The following KIAA0825 variants were observed in gnomAD, a reference collection of about 807,000 sequenced individuals.
KIAA0825 encodes the protein KIAA0825.
KIAA0825 carries 119 observed loss-of-function variants against 147.6 expected under a neutral mutation model. The ratio of observed to expected loss-of-function variants is 0.81; its 90% CI spans 0.69 to 0.94. KIAA0825 has a LOEUF of 0.94. KIAA0825 is among the 40% of genes least tolerant of loss of function. KIAA0825 has a pLI of 0.00. For missense variants in KIAA0825, 1,381 were observed against 1,472.7 expected (o/e 0.94, Z 1.02); for synonymous variants, 470 against 518.1 (o/e 0.91, Z 1.26).
chr5:94,604,829 T>G (rs984376383), intron 1 of KIAA0825, among the ~76,000 whole-genome samples: 3 of 151,834 alleles, frequency 2.0e-5, no homozygotes, highest in African/African-American at 7.3e-5. Flanking sequence ...ACATTACAAT[T>G]AAAAGAACTA....
intron 14 of KIAA0825, among the ~76,000 whole-genome samples, chr5:94,428,957 A>G (rs867053304): frequency 2.6e-5 from 4 of 151,968 alleles, no homozygotes; most frequent in South Asian, 2.1e-4. Flanking sequence ...AAGCTTTGAG[A>G]TTTTTTTCTT....
At chr5:94,282,898 A>G (rs1349678040) in intron 20 of KIAA0825, among the ~76,000 whole-genome samples, 1 of 152,112 alleles carries the variant, frequency 6.6e-6, no homozygotes. Flanking sequence ...GTGCAAAGTA[A>G]AAAAGAGACA....
chr5:94,453,576 C>T (rs1236958680), intron 12 of KIAA0825, among the ~76,000 whole-genome samples: 1 of 151,932 alleles, frequency 6.6e-6, no homozygotes, highest in African/African-American at 2.4e-5. Context: ...ATAGGTGGCT[C>T]AGGGGCCAGG....
At chr5:94,583,104 C>T (rs1419286715) in intron 1 of KIAA0825, among the ~76,000 whole-genome samples, 3 of 152,146 alleles carry the variant, frequency 2.0e-5, no homozygotes, top group African/African-American at 7.2e-5. Flanking sequence ...CCAGCGAGAT[C>T]GACGCATAAG....
intron 20 of KIAA0825, among the ~76,000 whole-genome samples, chr5:94,213,729 C>T (rs79502716): frequency 8.5e-4 from 129 of 152,290 alleles, no homozygotes; most frequent in Non-Finnish European, 1.5e-3. Flanking sequence ...TTTCCATCTT[C>T]ACCTTCACAT....
At chr5:94,209,755 T>C (rs1772534451) in intron 20 of KIAA0825, among the ~76,000 whole-genome samples, 1 of 152,186 alleles carries the variant, frequency 6.6e-6, no homozygotes, top group Non-Finnish European at 1.5e-5. Flanking sequence ...ATCCTTTTGG[T>C]GTTTCTTAAT....
chr5:94,157,695 C>G (rs1053056718), intron 20 of KIAA0825, among the ~76,000 whole-genome samples: 2 of 151,428 alleles, frequency 1.3e-5, no homozygotes, highest in Admixed American at 1.3e-4. Flanking sequence ...TTTTTGCTCA[C>G]CGACAATGAG....
At chr5:94,467,140 G>T (rs950016103) in intron 10 of KIAA0825, among the ~76,000 whole-genome samples, 5 of 152,166 alleles carry the variant, frequency 3.3e-5, no homozygotes, top group Non-Finnish European at 7.4e-5. Flanking sequence ...CTCATTTTAA[G>T]ACTTTTTAAA....
At position 94,391,618 on chromosome 5, in the gene KIAA0825, TTA is replaced by T. The variant is rs1749907632; in HGVS notation, c.3371_3372del (p.Ile1124LysfsTer28). The T allele has an allele frequency of 6.4e-7, 1 of 1,551,534 alleles. No individual in the cohort carries two copies. The highest frequency in any genetic ancestry group is 8.7e-7 in the Non-Finnish European group (1 of 1,146,968). On this transcript the variant is annotated frameshift_variant, in exon 18 of 21. Coordinates refer to ENST00000682413, the MANE Select transcript of KIAA0825 (RefSeq NM_001145678.3). LOFTEE classifies it high-confidence loss of function. ...TGGCAGAGATCCAGGACCATCGTGT[TTA>T]TTTTCTGCTCAGTCAGTTCAAGAGC... The part of the protein sequence containing the change: ...DVALELTEQK[I>X]NTMVLDLCHK...
At chr5:94,201,350 A>G (rs1049824530) in intron 20 of KIAA0825, among the ~76,000 whole-genome samples, 1 of 152,018 alleles carries the variant, frequency 6.6e-6, no homozygotes, top group Admixed American at 6.6e-5. Context: ...GGGCCTCAGT[A>G]TCCACAGCCT....
chr5:94,402,898 G>T (rs1431462711), intron 16 of KIAA0825, among the ~76,000 whole-genome samples: 1 of 151,966 alleles, frequency 6.6e-6, no homozygotes, highest in Non-Finnish European at 1.5e-5. Context: ...TGAAATTCTG[G>T]AAAAGTGGAA....
chr5:94,369,437 G>A (rs1010695530), intron 20 of KIAA0825, among the ~76,000 whole-genome samples: 2 of 152,116 alleles, frequency 1.3e-5, no homozygotes, highest in Non-Finnish European at 2.9e-5. Flanking sequence ...CCCAGCCCCT[G>A]AAGGCATTTG....
chr5:94,222,120 C>T (rs77594433), intron 20 of KIAA0825, among the ~76,000 whole-genome samples: 10 of 152,168 alleles, frequency 6.6e-5, no homozygotes, highest in East Asian at 3.9e-4. Flanking sequence ...TAAAAATCAC[C>T]GATTATAACC....
At chr5:94,453,536 C>CATT (rs529220329) in intron 12 of KIAA0825, among the ~76,000 whole-genome samples, 3 of 151,938 alleles carry the variant, frequency 2.0e-5, no homozygotes, top group African/African-American at 7.2e-5. Context: ...TGGACAATGC[C>CATT]GCTACTTCAT....
chr5:94,308,915 C>T (rs1245960499), intron 20 of KIAA0825, among the ~76,000 whole-genome samples: 1 of 151,824 alleles, frequency 6.6e-6, no homozygotes, highest in Non-Finnish European at 1.5e-5. Flanking sequence ...ACAGCAACCA[C>T]TTACCAAATT....
At chr5:94,158,271 A>G (rs1767228741) in intron 20 of KIAA0825, among the ~76,000 whole-genome samples, 2 of 152,148 alleles carry the variant, frequency 1.3e-5, no homozygotes, top group Admixed American at 6.5e-5. Context: ...AGTAGTTGCA[A>G]TCGAGACAGA....
chr5:94,316,366 G>A (rs1779661371), intron 20 of KIAA0825, among the ~76,000 whole-genome samples: 1 of 150,780 alleles, frequency 6.6e-6, no homozygotes, highest in African/African-American at 2.4e-5. Context: ...AAAAACTGAA[G>A]TATAATATTT....
At chr5:94,300,143 A>C (rs1778325483) in intron 20 of KIAA0825, among the ~76,000 whole-genome samples, 1 of 152,078 alleles carries the variant, frequency 6.6e-6, no homozygotes, top group South Asian at 2.1e-4. Context: ...GGAGATCATA[A>C]GAATACTTAA....
At chr5:94,363,088 C>T (rs1745298426) in intron 20 of KIAA0825, among the ~76,000 whole-genome samples, 2 of 151,914 alleles carry the variant, frequency 1.3e-5, no homozygotes, top group Non-Finnish European at 2.9e-5. Context: ...TGAGAAGAGC[C>T]TTCTGGGCAA....
Sources: gnomAD v4.1 joint callset for allele counts (sites outside exome capture counted in the v4.1 genomes callset) on GRCh38, gnomAD v4.1.1 for gene constraint, MANE v1.5 for transcripts, NCBI Gene and HGNC (gene_info 2026-07-23, HGNC 2026-07-21) for gene names.